The following CD86 variants were observed in gnomAD, a reference collection of about 807,000 sequenced individuals.
CD86 encodes T-lymphocyte activation antigen CD86.
In CD86, 11 loss-of-function variants were observed where a neutral mutation model predicts 32.1. The observed-to-expected ratio is 0.34, with a 90% confidence interval of 0.22 to 0.57. The LOEUF (loss-of-function observed/expected upper bound fraction) is 0.57, where lower values mean the gene tolerates loss of function less well. Among genes scored for constraint, CD86 ranks in the 20% least tolerant of loss-of-function variants. The pLI is 0.86. For missense variants in CD86, 359 were observed against 398.4 expected, an observed-to-expected ratio of 0.90 and a Z score of 0.84; for synonymous variants, 137 against 135.3, an observed-to-expected ratio of 1.01 and a Z score of -0.09.
chr3:122,096,088 CA>C (rs1242675036), intron 2 of CD86, among the ~76,000 whole-genome samples: 2 of 152,072 alleles, frequency 1.3e-5, no homozygotes, highest in Non-Finnish European at 2.9e-5. Context: ...TTTATGGAAG[CA>C]AAAAACTCTG....
chr3:122,080,707 A>C (rs2681422), intron 1 of CD86, among the ~76,000 whole-genome samples: 1 of 152,008 alleles, frequency 6.6e-6, no homozygotes, highest in Non-Finnish European at 1.5e-5. Context: ...ACAAATGGGG[A>C]ATAAGGGGGA....
At chr3:122,114,408 T>C (rs558165128) in intron 5 of CD86, among the ~76,000 whole-genome samples, 1 of 152,228 alleles carries the variant, frequency 6.6e-6, no homozygotes, top group South Asian at 2.1e-4. Flanking sequence ...GAAACAACTG[T>C]TTTCAGAGAT....
intron 1 of CD86, among the ~76,000 whole-genome samples, chr3:122,073,906 C>T (rs879752707): frequency 6.6e-6 from 1 of 152,204 alleles, no homozygotes; most frequent in Non-Finnish European, 1.5e-5. Flanking sequence ...TGGTGAGCCT[C>T]AATCCTGCCA....
chr3:122,111,296 G>A (rs183562989), intron 5 of CD86, among the ~76,000 whole-genome samples: 1 of 152,324 alleles, frequency 6.6e-6, no homozygotes, highest in East Asian at 1.9e-4. Context: ...AGCAATATCT[G>A]CCATTGCTTT....
In CD86 at chr3:122,097,890, C is replaced by T. The variant is rs371400598; in HGVS notation, c.65-5622C>T. ...AGCAGAGGTGCCTGAAGACCTCACC[C>T]CAGAGCCTCAGATAAAGAGACCTAA... On this transcript the variant is annotated intron_variant, in intron 2 of 6. Coordinates refer to ENST00000330540, the MANE Select transcript of CD86 (RefSeq NM_175862.5). Among the ~76,000 whole-genome samples, 88 of 151,990 alleles carry T rather than the reference C, an allele frequency of 5.8e-4. 1 individual carries two copies. In the South Asian group the frequency reaches 0.017, roughly 29 times the overall value.
At chr3:122,103,911 G>C (rs761299621) in intron 3 of CD86, 64 bp downstream of exon 3, 7 of 1,348,662 alleles carry the variant, frequency 5.2e-6, no homozygotes, top group Non-Finnish European at 7.3e-6. Context: ...AAATGAGTTA[G>C]AAAAACACTG....
chr3:122,101,991 G>T (rs771829642), intron 2 of CD86, among the ~76,000 whole-genome samples: 2 of 152,058 alleles, frequency 1.3e-5, no homozygotes, highest in African/African-American at 4.8e-5. Context: ...GAAATAGGCA[G>T]TGATTCATAT....
intron 1 of CD86, among the ~76,000 whole-genome samples, chr3:122,080,743 C>A (rs2072622293): frequency 2.0e-5 from 3 of 152,148 alleles, no homozygotes; most frequent in African/African-American, 7.2e-5. Context: ...GACTGGAAAC[C>A]AAGTCAGACA....
chr3:122,059,563 A>T (rs1203339175), intron 1 of CD86, among the ~76,000 whole-genome samples: 1 of 151,984 alleles, frequency 6.6e-6, no homozygotes, highest in African/African-American at 2.4e-5. Context: ...AAAGAAATCA[A>T]GTGGGGAGAT....
rs77412219 is a variant in CD86, at chr3:122,076,105, A to G, written c.15-15496A>G. ...ATATGTTATTTTTACTGATCTGTTTATGGAAAATGATACTGCTTTCTAATT... is the reference window on the plus strand; with the variant it reads ...ATATGTTATTTTTACTGATCTGTTTGTGGAAAATGATACTGCTTTCTAATT... On this transcript the variant is annotated intron_variant, in intron 1 of 6. Transcript: ENST00000330540. 2.0e-5 allele frequency among the ~76,000 whole-genome samples: 3 copies of G among 152,346 alleles called. No homozygotes were observed. The East Asian group carries it at 5.8e-4, about 29-fold the overall frequency.
Position 122,055,616 on chromosome 3 carries a change from G to C in CD86, c.14+113G>C. 3.1e-6 allele frequency: 3 copies of C among 971,698 alleles called. No homozygotes were observed. The Admixed American group carries it at 5.8e-5, about 19-fold the overall frequency. 60.2% of individuals were successfully genotyped at this position (971,698 alleles called of 1,614,324 possible). On this transcript the variant is annotated intron_variant, in intron 1 of 6. Transcript: ENST00000330540. Reference sequence around the variant, plus strand: ...GTCCTTCACTTAGTTCCTAAGTGGAGAAGCTTTCTTTTTCTACAAAAGATC... The same window carrying C: ...GTCCTTCACTTAGTTCCTAAGTGGACAAGCTTTCTTTTTCTACAAAAGATC...
chr3:122,061,786 T>A (rs1410109490), intron 1 of CD86, among the ~76,000 whole-genome samples: 1 of 152,228 alleles, frequency 6.6e-6, no homozygotes, highest in African/African-American at 2.4e-5. Flanking sequence ...AGTTTGGCAG[T>A]TTCTTATAAA....
intron 1 of CD86, among the ~76,000 whole-genome samples, chr3:122,056,428 G>A (rs1358841304): frequency 5.9e-5 from 9 of 152,112 alleles, no homozygotes; most frequent in South Asian, 4.1e-4. Flanking sequence ...TCCGCCTCTC[G>A]GATTCAAACG....
intron 1 of CD86, among the ~76,000 whole-genome samples, chr3:122,069,787 C>G (rs1251745167): frequency 6.6e-6 from 1 of 152,126 alleles, no homozygotes; most frequent in Admixed American, 6.5e-5. Flanking sequence ...TCTGCCCTGT[C>G]TCCATCAGAC....
chr3:122,114,579 G>A (rs918257493), intron 5 of CD86, among the ~76,000 whole-genome samples: 13 of 152,192 alleles, frequency 8.5e-5, no homozygotes, highest in African/African-American at 3.1e-4. Flanking sequence ...TGCAAGAAAA[G>A]AAAACTACAA....
intron 1 of CD86, among the ~76,000 whole-genome samples, chr3:122,058,327 A>G (rs1202509815): frequency 6.6e-6 from 1 of 152,156 alleles, no homozygotes; most frequent in Non-Finnish European, 1.5e-5. Flanking sequence ...TACCCAGGAC[A>G]AGGCCAGCCT....
chr3:122,108,781 A>G (rs1160491603), intron 4 of CD86, among the ~76,000 whole-genome samples: 2 of 152,162 alleles, frequency 1.3e-5, no homozygotes, highest in East Asian at 1.9e-4. Context: ...TGAAAACTAG[A>G]GGTAGGGGCC....
intron 1 of CD86, among the ~76,000 whole-genome samples, chr3:122,075,953 A>G (rs141427934): frequency 2.6e-5 from 4 of 152,306 alleles, no homozygotes; most frequent in Non-Finnish European, 5.9e-5. Context: ...CCTATGAGAT[A>G]TTTAGTATTA....
intron 2 of CD86, among the ~76,000 whole-genome samples, chr3:122,094,183 A>T (rs1249572775): frequency 6.6e-6 from 1 of 152,218 alleles, no homozygotes; most frequent in Non-Finnish European, 1.5e-5. Flanking sequence ...ACATTTCCAG[A>T]AAACACTAAA....
Sources: gnomAD v4.1 joint callset for allele counts (sites outside exome capture counted in the v4.1 genomes callset) on GRCh38, gnomAD v4.1.1 for gene constraint, MANE v1.5 for transcripts, NCBI Gene and HGNC (gene_info 2026-07-23, HGNC 2026-07-21) for gene names.